The following EPHA10 variants were observed in gnomAD, a reference collection of about 807,000 sequenced individuals.
EPHA10 encodes the protein ephrin type-A receptor 10.
A neutral mutation model predicts 109.7 loss-of-function variants in EPHA10; 120 were observed. The ratio of observed to expected loss-of-function variants is 1.09; its 90% confidence interval spans 0.94 to 1.27. The LOEUF is 1.27. EPHA10 is among the 50% of genes most tolerant of loss of function. The pLI, the probability that EPHA10 is intolerant of heterozygous loss-of-function variation, is 0.00. For synonymous variants in EPHA10, 640 were observed against 618.9 expected (o/e 1.03, Z -0.51); for missense variants, 1,396 against 1,411.1 (o/e 0.99, Z 0.17).
chr1:37,719,826 AG>A, intron 14 of EPHA10, 82 bp downstream of exon 14: 1 of 1,603,098 alleles, frequency 6.2e-7, no homozygotes, highest in Non-Finnish European at 8.5e-7. Flanking sequence ...AGGAAGATTG[AG>A]GGCCAACGGG....
At chr1:37,753,531 T>G in intron 4 of EPHA10, among the ~76,000 whole-genome samples, 1 of 104,850 alleles carries the variant, frequency 9.5e-6, no homozygotes, top group African/African-American at 3.8e-5. Flanking sequence ...GCATGGGGGA[T>G]AGGAAGGTGT....
At position 37,721,740 on chromosome 1, in the gene EPHA10, A is replaced by T; in HGVS notation, c.2066T>A (p.Leu689His). 2 of 1,612,694 alleles carry T rather than the reference A, an allele frequency of 1.2e-6. No individual in the cohort carries two copies. The highest frequency in any genetic ancestry group is 2.2e-5 in the South Asian group (2 of 91,036). The change falls in exon 11 of 17, where the codon CTC (leucine) becomes CAC (histidine). Residue 689 changes from leucine to histidine, a missense_variant. Leu to His is a moderately conservative substitution (Grantham distance 99, BLOSUM62 -3). Transcript: ENST00000373048. ...CGTGAGGGCCTCGGCCAGGAAGCCG[A>T]GCCTCTGTGAGTCGGAGGCGCTGTC... is the stretch of plus-strand genomic sequence containing the variant. ...LRDSASDSQR[L>H]GFLAEALTLG... is the part of the protein sequence containing the mutation.
At chr1:37,725,947 G>A (rs1452725861) in intron 8 of EPHA10, among the ~76,000 whole-genome samples, 1 of 152,204 alleles carries the variant, frequency 6.6e-6, no homozygotes, top group Non-Finnish European at 1.5e-5. Context: ...CATGCTGGAG[G>A]AGAACACCTC....
chr1:37,753,359 G>A, intron 4 of EPHA10, 133 bp from the exon 5 acceptor site: 3 of 515,292 alleles, frequency 5.8e-6, no homozygotes, highest in Non-Finnish European at 8.9e-6. Flanking sequence ...AGGGTCAGTC[G>A]GGGAGGAGGG....
In EPHA10 at chr1:37,754,882, C is replaced by T. The variant is rs185394160; in HGVS notation, c.851-512G>A. 0.013 allele frequency among the ~76,000 whole-genome samples: 1,939 copies of T among 152,242 alleles called. 26 individuals are homozygous for T. Among genetic ancestry groups the T allele is most frequent in the Non-Finnish European group, 0.019 (1,281 of 67,998 alleles). Reference sequence around the variant, plus strand: ...GCGGGATCTCCACTCACTGCAACCCCCACCTCCCAGGTTTAAGCGATTCTC... The same window carrying T: ...GCGGGATCTCCACTCACTGCAACCCTCACCTCCCAGGTTTAAGCGATTCTC... On this transcript the variant is annotated intron_variant, in intron 3 of 16. Transcript: ENST00000373048. This position sits in a 1 kb window ranked among gnomAD's most constrained non-coding sequence, Gnocchi z 4.5.
Position 37,761,564 on chromosome 1 carries a change from A to T in EPHA10, c.691T>A (p.Ser231Thr), listed in dbSNP as rs1646430998. ...GTTCCGGCCACTTCCACCAGTGTGGAGAAGGCGCTCTCGGCTGCGGTGGCT... is the reference window on the plus strand; with the variant it reads ...GTTCCGGCCACTTCCACCAGTGTGGTGAAGGCGCTCTCGGCTGCGGTGGCT... ...FPATAAESAF[S>T]TLVEVAGTCV... Residue 231 changes from serine (S) to threonine (T), a missense_variant, in exon 3 of 17, where the codon TCC becomes ACC. Ser to Thr is a moderately conservative substitution (Grantham distance 58, BLOSUM62 1). Coordinates refer to ENST00000373048, the MANE Select transcript of EPHA10 (RefSeq NM_001099439.2). 6.3e-7 allele frequency: 1 copy of T among 1,598,638 alleles called. No individual in the cohort carries two copies. The highest frequency in any genetic ancestry group is 8.5e-7 in the Non-Finnish European group (1 of 1,176,782).
intron 5 of EPHA10, among the ~76,000 whole-genome samples, chr1:37,742,872 G>T (rs1009996931): frequency 6.6e-6 from 1 of 152,108 alleles, no homozygotes; most frequent in South Asian, 2.1e-4. Context: ...TGGCATGCCT[G>T]CAGTCCTAGC....
In EPHA10 at chr1:37,720,377, G is replaced by C. The variant is rs765372796; in HGVS notation, c.2386C>G (p.Arg796Gly). 1 of 1,611,698 alleles carries C rather than the reference G, an allele frequency of 6.2e-7. No homozygotes were observed. Among genetic ancestry groups the C allele is most frequent in the Admixed American group, 1.7e-5 (1 of 59,836 alleles). Residue 796 changes from arginine (R) to glycine (G), a missense_variant, in exon 13 of 17, where the codon CGA becomes GGA. By Grantham distance (125) the Arg-to-Gly change is moderately radical (BLOSUM62 -2). Coordinates refer to ENST00000373048, the MANE Select transcript of EPHA10 (RefSeq NM_001099439.2). ...ATAGTGGTGTAGACAGCCTCTGATC[G>C]GTCCCGGGGGCCCCGCCCGAAGCCA... The part of the protein sequence containing the change: ...ISGFGRGPRD[R>G]SEAVYTTMSG...
intron 10 of EPHA10, chr1:37,722,308 G>A (rs749151059): frequency 4.0e-6 from 1 of 248,934 alleles, no homozygotes; most frequent in Non-Finnish European, 8.1e-6. Context: ...TTAAAGAAAG[G>A]ACAGGGCATA....
In EPHA10 at chr1:37,720,827, C is replaced by T. The variant is rs1645780912; in HGVS notation, c.2164G>A (p.Val722Ile). Residue 722 changes from valine to isoleucine, a missense_variant, in exon 12 of 17, where the codon GTC becomes ATC. Coordinates refer to ENST00000373048, the MANE Select transcript of EPHA10 (RefSeq NM_001099439.2). ...VVTRGSTLMI[V>I]TEYMSHGALD... ...GCCCCATGGCTCATGTACTCGGTGA[C>T]AATCATCAAGGTGCTTCCTGTGCCC... 6.2e-7 allele frequency: 1 copy of T among 1,614,128 alleles called. No individual in the cohort carries two copies. The highest frequency in any genetic ancestry group is 8.5e-7 in the Non-Finnish European group (1 of 1,180,020).
chr1:37,727,489 TGCCTTTCAGATGAGCAGTGAGG>T (rs1314395545), intron 7 of EPHA10, among the ~76,000 whole-genome samples: 2 of 152,178 alleles, frequency 1.3e-5, no homozygotes, highest in Non-Finnish European at 1.5e-5. Context: ...CCTCCCTCTA[TGCCTTTCAGATGAGCAGTGAGG>T]GACTCAAAGT....
intron 5 of EPHA10, among the ~76,000 whole-genome samples, chr1:37,749,271 C>G (rs752133836): frequency 1.3e-5 from 2 of 151,940 alleles, no homozygotes; most frequent in African/African-American, 2.4e-5. Flanking sequence ...GTGCCAAATA[C>G]AGCAGCACTA....
At chr1:37,746,150 G>A (rs1646239425) in intron 5 of EPHA10, among the ~76,000 whole-genome samples, 1 of 142,520 alleles carries the variant, frequency 7.0e-6, no homozygotes, top group Non-Finnish European at 1.5e-5. Context: ...GCCCATGTTG[G>A]AACGCAATGG....
chr1:37,727,087 G>A lies in EPHA10; in HGVS notation c.1772+15C>T, dbSNP rs372793087. ...GACCCACCAGGAGTCACCTAGGCTG[G>A]GGCCAGCCACCTACCTCCTCCAAAT... On this transcript the variant is annotated intron_variant, in intron 8 of 16. Transcript: ENST00000373048. 2.9e-4 allele frequency: 463 copies of A among 1,600,602 alleles called. 2 individuals are homozygous for A. The highest frequency in any genetic ancestry group is 3.8e-4 in the Non-Finnish European group (441 of 1,172,070).
At position 37,752,982 on chromosome 1, in the gene EPHA10, G is replaced by A. The variant is rs1217629224; in HGVS notation, c.1251C>T (p.Pro417=). Residue 417 remains proline, a synonymous_variant, in exon 5 of 17, where the codon CCC becomes CCT. Transcript: ENST00000373048. ...ERAATLLHLR[P]GARYTVRVAA... Reference sequence around the variant, plus strand: ...CCACGCGCACGGTGTAGCGCGCGCCGGGCCGCAGGTGCAGCAGCGTGGCGG... The same window carrying A: ...CCACGCGCACGGTGTAGCGCGCGCCAGGCCGCAGGTGCAGCAGCGTGGCGG... 4.8e-6 allele frequency: 6 copies of A among 1,253,344 alleles called. No individual in the cohort carries two copies. The highest frequency in any genetic ancestry group is 5.0e-6 in the Non-Finnish European group (5 of 1,000,670). The allele number at this position is 1,253,344 out of a possible 1,614,324, so 77.6% of individuals were successfully genotyped here.
intron 3 of EPHA10, among the ~76,000 whole-genome samples, chr1:37,759,859 C>T (rs1259266208): frequency 6.6e-6 from 1 of 151,998 alleles, no homozygotes; most frequent in Non-Finnish European, 1.5e-5. Flanking sequence ...CAGTGCATAC[C>T]ATGGGGTAAG....
rs780958682 is a variant in EPHA10 at position 37,720,041 on chromosome 1, C to A, written c.2430G>T (p.Ala810=). 4 of 1,613,504 alleles carry A rather than the reference C, an allele frequency of 2.5e-6. No individual in the cohort carries two copies. The South Asian group carries it at 3.3e-5, about 13-fold the overall frequency. ...GAAGTGTCTCGGGAGCGGCCCATAGCGCTGGGCTCCGGCCACTCTGTAGGG... is the reference window on the plus strand; with the variant it reads ...GAAGTGTCTCGGGAGCGGCCCATAGAGCTGGGCTCCGGCCACTCTGTAGGG... The part of the protein sequence containing the change: ...VYTTMSGRSP[A]LWAAPETLQF... Residue 810 remains alanine (A), a synonymous_variant, in exon 14 of 17, where the codon GCG becomes GCT. Coordinates refer to ENST00000373048, the MANE Select transcript of EPHA10 (RefSeq NM_001099439.2).
rs1569632151 is a variant in EPHA10 at position 37,721,861 on chromosome 1, A to G, written c.1961-16T>C. 6.5e-7 allele frequency: 1 copy of G among 1,540,398 alleles called. No homozygotes were observed. Among genetic ancestry groups the G allele is most frequent in the Non-Finnish European group, 8.8e-7 (1 of 1,138,670 alleles). ...CCAAACCGCCCTGTGGGGAAACAGC[A>G]CCTCAGATACCGCCAGAGGCCACTG... On this transcript the variant is annotated splice_polypyrimidine_tract_variant and intron_variant, in intron 10 of 16. Coordinates refer to ENST00000373048, the MANE Select transcript of EPHA10 (RefSeq NM_001099439.2).
intron 8 of EPHA10, 50 bp downstream of exon 8, chr1:37,727,052 C>A: frequency 6.8e-7 from 1 of 1,459,936 alleles, no homozygotes. Flanking sequence ...CATTAATGTG[C>A]ACGGGACATG....
Sources: allele counts gnomAD v4.1 joint callset (sites outside exome capture counted in the v4.1 genomes callset), GRCh38; gene constraint gnomAD v4.1.1; non-coding constraint Gnocchi (gnomAD v3.1); transcripts MANE v1.5; gene names NCBI Gene and HGNC (gene_info 2026-07-23, HGNC 2026-07-21).